The following SORCS2 variants were observed in gnomAD, a reference collection of about 807,000 sequenced individuals.
SORCS2 encodes the protein sortilin related VPS10 domain containing receptor 2, also known as VPS10 domain-containing receptor SorCS2.
A neutral mutation model predicts 141.6 loss-of-function variants in SORCS2; 100 were observed. The ratio of observed to expected loss-of-function variants is 0.71; its 90% CI spans 0.60 to 0.83. SORCS2 has a LOEUF of 0.83. Among genes scored for constraint, SORCS2 ranks in the 40% least tolerant of loss-of-function variants. The probability of loss-of-function intolerance (pLI) is 0.00; values close to 1 mark genes in which losing one functional copy is unlikely to be tolerated. For missense variants in SORCS2, 1,646 were observed against 1,560.2 expected, an observed-to-expected ratio of 1.05 and a Z score of -0.93; for synonymous variants, 789 against 676.9, an observed-to-expected ratio of 1.17 and a Z score of -2.57.
chr4:7,527,208 C>G (rs533271474), intron 2 of SORCS2, among the ~76,000 whole-genome samples: 2 of 152,252 alleles, frequency 1.3e-5, no homozygotes, highest in Non-Finnish European at 2.9e-5. Flanking sequence ...GGCTCAAATG[C>G]CCACTTGTGG....
intron 4 of SORCS2, among the ~76,000 whole-genome samples, chr4:7,639,821 G>T (rs972628277): frequency 2.0e-5 from 3 of 151,178 alleles, no homozygotes; most frequent in Non-Finnish European, 4.4e-5. Context: ...GAGTGTGAGG[G>T]TGTGTTTTAG....
chr4:7,447,781 C>T (rs75500178), intron 2 of SORCS2, among the ~76,000 whole-genome samples: 1,560 of 152,224 alleles, frequency 0.01, 26 homozygotes, highest in African/African-American at 0.034. Flanking sequence ...AAACAAACTA[C>T]GACCCAGGAT....
chr4:7,359,549 G>A (rs1399442049), intron 1 of SORCS2, among the ~76,000 whole-genome samples: 1 of 152,298 alleles, frequency 6.6e-6, no homozygotes, highest in East Asian at 1.9e-4. Flanking sequence ...TCCCTGGGCC[G>A]ACGTCCTTGT....
At position 7,501,793 on chromosome 4, in the gene SORCS2, T is replaced by C. The variant is rs147050401; in HGVS notation, c.549-29737T>C. On this transcript the variant is annotated intron_variant, in intron 2 of 26. Transcript: ENST00000507866. ...GAAATCTTTCCCCACTAAGACACAA[T>C]TAAGTTTCCTGAATTAATTATGTAC... Among the ~76,000 whole-genome samples, 13 of 152,346 alleles carry C rather than the reference T, an allele frequency of 8.5e-5. No individual in the cohort carries two copies. The East Asian group carries it at 1.7e-3, about 20-fold the overall frequency.
intron 1 of SORCS2, among the ~76,000 whole-genome samples, chr4:7,293,317 A>G (rs1716740424): frequency 6.6e-6 from 1 of 151,676 alleles, no homozygotes; most frequent in Non-Finnish European, 1.5e-5. Flanking sequence ...AAAAAAAAAA[A>G]AGAAATGGTG....
At chr4:7,543,999 T>C (rs1157879118) in intron 3 of SORCS2, among the ~76,000 whole-genome samples, 1 of 95,150 alleles carries the variant, frequency 1.1e-5, no homozygotes, top group African/African-American at 3.8e-5. Context: ...CATCCACTCA[T>C]CCATCCATCC....
At chr4:7,426,373 C>G (rs1726439283) in intron 2 of SORCS2, among the ~76,000 whole-genome samples, 1 of 152,224 alleles carries the variant, frequency 6.6e-6, no homozygotes, top group Non-Finnish European at 1.5e-5. Context: ...AGAGGCCTTC[C>G]CAGCACACAC....
rs1712594485 is a variant in SORCS2 at position 7,740,605 on chromosome 4, C to A, written c.*341C>A. 1 of 381,168 alleles carries A rather than the reference C, an allele frequency of 2.6e-6. No individual in the cohort carries two copies. The highest frequency in any genetic ancestry group is 5.0e-6 in the Non-Finnish European group (1 of 201,832). The allele number at this position is 381,168 out of a possible 1,614,324, so 23.6% of individuals were successfully genotyped here. A position where few individuals can be genotyped will look rare whatever the true frequency, so the allele number is the denominator to read the frequency against. Reference sequence around the variant, plus strand: ...TGGGCTGAGGCTGGTCGTCCTGGAGCCCTCCCAGTACCTCGGGCTGCAAGA... The same window carrying A: ...TGGGCTGAGGCTGGTCGTCCTGGAGACCTCCCAGTACCTCGGGCTGCAAGA... On this transcript the variant is annotated 3_prime_UTR_variant, in exon 27 of 27. Transcript: ENST00000507866.
At chr4:7,556,922 CCCACCCACCCATCCAT>C (rs1308057347) in intron 3 of SORCS2, among the ~76,000 whole-genome samples, 10 of 136,142 alleles carry the variant, frequency 7.3e-5, no homozygotes, top group Admixed American at 1.4e-4. Flanking sequence ...CATCCACCCA[CCCACCCACCCATCCAT>C]CCACCCACTC....
intron 3 of SORCS2, among the ~76,000 whole-genome samples, chr4:7,551,945 G>A (rs994658449): frequency 9.9e-5 from 15 of 152,230 alleles, no homozygotes; most frequent in African/African-American, 2.9e-4. Context: ...TGTCGTAATC[G>A]GCAGCGTTGC....
chr4:7,391,517 G>C (rs1318499208), intron 1 of SORCS2, among the ~76,000 whole-genome samples: 1 of 152,050 alleles, frequency 6.6e-6, no homozygotes, highest in African/African-American at 2.4e-5. Context: ...GTGGTGATCA[G>C]GGGGTGGGGC....
chr4:7,511,681 G>A (rs1194158922), intron 2 of SORCS2, among the ~76,000 whole-genome samples: 3 of 152,124 alleles, frequency 2.0e-5, no homozygotes, highest in Non-Finnish European at 4.4e-5. Flanking sequence ...GGACAGGTGG[G>A]GACAGGGCTG....
chr4:7,538,204 T>A (rs903535225), intron 3 of SORCS2, among the ~76,000 whole-genome samples: 7 of 152,228 alleles, frequency 4.6e-5, no homozygotes, highest in African/African-American at 1.7e-4. Context: ...AGCAGCACTT[T>A]ATAGCTTCTT....
intron 2 of SORCS2, among the ~76,000 whole-genome samples, chr4:7,450,688 T>C (rs1389359196): frequency 2.0e-5 from 3 of 152,230 alleles, no homozygotes; most frequent in African/African-American, 7.2e-5. Context: ...CGCAGCAGAC[T>C]GAATGAATCT....
rs1417811955 is a variant in SORCS2, at chr4:7,363,379, C to T, written c.481-32909C>T. 8.3e-4 allele frequency among the ~76,000 whole-genome samples: 121 copies of T among 145,966 alleles called. 1 individual carries two copies. In the East Asian group the frequency reaches 0.02, roughly 24 times the overall value. Reference sequence around the variant, plus strand: ...ATCATTACTATCACCACTATCACCACCGTCATTGCTACCAACACCATCACT... The same window carrying T: ...ATCATTACTATCACCACTATCACCATCGTCATTGCTACCAACACCATCACT... On this transcript the variant is annotated intron_variant, in intron 1 of 26. Coordinates refer to ENST00000507866, the MANE Select transcript of SORCS2 (RefSeq NM_020777.3).
At chr4:7,245,481 C>A (rs1713022280) in intron 1 of SORCS2, among the ~76,000 whole-genome samples, 1 of 152,248 alleles carries the variant, frequency 6.6e-6, no homozygotes, top group Non-Finnish European at 1.5e-5. Flanking sequence ...GCTTTAGAGT[C>A]AGAAAGACCT....
intron 3 of SORCS2, among the ~76,000 whole-genome samples, chr4:7,560,268 C>A (rs550743504): frequency 1.9e-4 from 29 of 152,252 alleles, no homozygotes; most frequent in African/African-American, 6.0e-4. Flanking sequence ...TAACTCAGCT[C>A]CTAAAAAGAG....
At chr4:7,267,792 A>G (rs551291836) in intron 1 of SORCS2, among the ~76,000 whole-genome samples, 6 of 152,358 alleles carry the variant, frequency 3.9e-5, no homozygotes, top group African/African-American at 1.4e-4. Context: ...AGATTGCGCC[A>G]CTGCACTCCA....
At chr4:7,254,667 G>A (rs1713727870) in intron 1 of SORCS2, among the ~76,000 whole-genome samples, 1 of 152,168 alleles carries the variant, frequency 6.6e-6, no homozygotes, top group Admixed American at 6.5e-5. Context: ...AAAAAGAGGG[G>A]CGGGCTGACA....
Sources: gnomAD v4.1 joint callset for allele counts (sites outside exome capture counted in the v4.1 genomes callset) on GRCh38, gnomAD v4.1.1 for gene constraint, MANE v1.5 for transcripts, NCBI Gene and HGNC (gene_info 2026-07-23, HGNC 2026-07-21) for gene names.